CAPZB: variants seen among roughly 807,000 people sequenced by gnomAD.
The protein encoded by CAPZB is capping actin protein of muscle Z-line subunit beta, also known as F-actin-capping protein subunit beta.
Under a neutral mutation model 38.1 loss-of-function variants are expected in CAPZB, and 2 were observed. The observed-to-expected ratio is 0.05, with a 90% CI of 0.02 to 0.17. CAPZB has a LOEUF of 0.17. Ranked by LOEUF, CAPZB falls within the 10% of genes least tolerant of loss-of-function variation. The pLI is 1.00. For synonymous variants in CAPZB, 107 were observed against 127.4 expected (o/e 0.84, Z 1.08); for missense variants, 161 against 334.2 (o/e 0.48, Z 4.04).
chr1:19,370,300 A>C (rs1384485917), intron 4 of CAPZB, among the ~76,000 whole-genome samples: 1 of 152,154 alleles, frequency 6.6e-6, no homozygotes, highest in Non-Finnish European at 1.5e-5. Flanking sequence ...GAGGCTCCAT[A>C]ATTCGCTACA....
At chr1:19,379,287 C>T (rs147234528) in intron 3 of CAPZB, among the ~76,000 whole-genome samples, 9 of 152,070 alleles carry the variant, frequency 5.9e-5, no homozygotes, top group South Asian at 2.1e-4. Context: ...TTAGTAGAGG[C>T]GGAGTTTGGC....
intron 1 of CAPZB, among the ~76,000 whole-genome samples, chr1:19,439,533 C>T (rs2094468968): frequency 6.6e-6 from 1 of 152,252 alleles, no homozygotes; most frequent in Non-Finnish European, 1.5e-5. Context: ...TGTCCCCAGT[C>T]AGCCTGTGTC....
chr1:19,392,619 CT>C (rs1380422210), intron 2 of CAPZB, among the ~76,000 whole-genome samples: 2 of 151,298 alleles, frequency 1.3e-5, no homozygotes, highest in Non-Finnish European at 2.9e-5. Context: ...GACTCCGTCC[CT>C]ACTAAAATAA....
At chr1:19,446,093 T>C (rs556765319) in intron 1 of CAPZB, among the ~76,000 whole-genome samples, 118 of 152,180 alleles carry the variant, frequency 7.8e-4, no homozygotes, top group South Asian at 2.9e-3. Context: ...CGAGGTCAGT[T>C]CCAGTCTACA....
At chr1:19,458,270 A>T (rs950180912) in intron 1 of CAPZB, among the ~76,000 whole-genome samples, 1 of 152,202 alleles carries the variant, frequency 6.6e-6, no homozygotes, top group East Asian at 1.9e-4. Context: ...TATTTTTTGA[A>T]AGTTTTAATA....
chr1:19,342,871 A>T, intron 8 of CAPZB: 1 of 1,524,624 alleles, frequency 6.6e-7, no homozygotes, highest in Non-Finnish European at 9.1e-7. Context: ...AGATCTACAG[A>T]GAGTGTTCAA....
chr1:19,485,363 G>C (rs1379954306), intron 1 of CAPZB, 73 bp downstream of exon 1: 1 of 1,078,516 alleles, frequency 9.3e-7, no homozygotes, highest in Non-Finnish European at 1.2e-6. Flanking sequence ...CCCAGGCCAG[G>C]GATGGGCAGG....
At chr1:19,467,346 C>G (rs933750964) in intron 1 of CAPZB, among the ~76,000 whole-genome samples, 1 of 152,054 alleles carries the variant, frequency 6.6e-6, no homozygotes, top group African/African-American at 2.4e-5. Context: ...AAAGATAAAG[C>G]AAACAGAAGG....
At chr1:19,389,141 A>G (rs1165815361) in intron 2 of CAPZB, among the ~76,000 whole-genome samples, 2 of 152,190 alleles carry the variant, frequency 1.3e-5, no homozygotes, top group Non-Finnish European at 2.9e-5. Context: ...GTGTGCCCAC[A>G]GACTTGGACC....
At chr1:19,395,873 C>T (rs1024072538) in intron 2 of CAPZB, among the ~76,000 whole-genome samples, 2 of 152,242 alleles carry the variant, frequency 1.3e-5, no homozygotes, top group Non-Finnish European at 2.9e-5. Context: ...TGCCTGCAGC[C>T]GGCCAGCCAG....
At chr1:19,484,470 A>G (rs2100833580) in intron 1 of CAPZB, 1 of 1,448,578 alleles carries the variant, frequency 6.9e-7, no homozygotes, top group Non-Finnish European at 9.1e-7. Context: ...CCACGGCGGC[A>G]GCCTCGAGAA....
chr1:19,384,238 C>T (rs916792008), intron 3 of CAPZB, among the ~76,000 whole-genome samples: 5 of 152,134 alleles, frequency 3.3e-5, no homozygotes, highest in East Asian at 1.9e-4. Flanking sequence ...CCCTCATCTC[C>T]GCCCCCACTG....
At chr1:19,396,959 T>TAAA (rs982940283) in intron 2 of CAPZB, among the ~76,000 whole-genome samples, 4 of 145,494 alleles carry the variant, frequency 2.7e-5, no homozygotes, top group African/African-American at 1.0e-4. Flanking sequence ...CTCAAAAAAT[T>TAAA]AAAAAAAAAA....
chr1:19,380,019 A>T (rs1570047594), intron 3 of CAPZB, among the ~76,000 whole-genome samples: 1 of 152,320 alleles, frequency 6.6e-6, no homozygotes, highest in Non-Finnish European at 1.5e-5. Context: ...AAAAAAAAGT[A>T]TGCTCATCAT....
chr1:19,477,895 T>C (rs2094612373), intron 1 of CAPZB, among the ~76,000 whole-genome samples: 1 of 152,206 alleles, frequency 6.6e-6, no homozygotes, highest in Non-Finnish European at 1.5e-5. Context: ...TAACTTTCTA[T>C]TTTAAGTTAA....
chr1:19,368,694 GTC>G (rs1176939002), intron 4 of CAPZB, among the ~76,000 whole-genome samples: 1 of 148,802 alleles, frequency 6.7e-6, no homozygotes, highest in Non-Finnish European at 1.5e-5. Flanking sequence ...TAGACATGGG[GTC>G]TCTCTCTGTC....
chr1:19,386,349 C>G (rs769585280), intron 2 of CAPZB, among the ~76,000 whole-genome samples: 1 of 152,248 alleles, frequency 6.6e-6, no homozygotes, highest in Non-Finnish European at 1.5e-5. Flanking sequence ...CCAACTCAAA[C>G]ATCAATTTCT....
rs60330360 is a variant in CAPZB, at chr1:19,469,741, T to TACACACACACACAC, written c.3+15681_3+15694dup. Among the ~76,000 whole-genome samples, 197 of 136,710 alleles carry TACACACACACACAC rather than the reference T, an allele frequency of 1.4e-3. 3 individuals are homozygous for TACACACACACACAC. The highest frequency in any genetic ancestry group is 3.8e-3 in the Middle Eastern group (1 of 260). 89.7% of individuals were successfully genotyped at this position (136,710 alleles called of 152,430 possible). ...AAGATACTCAAAAGGAGGAAAAGAA[T>TACACACACACACAC]ACACACACACACACACACACACACA... On this transcript the variant is annotated intron_variant, in intron 1 of 8. Transcript: ENST00000264202.
At position 19,392,528 on chromosome 1, in the gene CAPZB, T is replaced by TAAA. The variant is rs58626568; in HGVS notation, c.94-6905_94-6903dup. ...CTGGCACACTGCTTTTCTTAAGAATTAAAAAAAAAAAAAAAAAAAGGCCAG... is the reference window on the plus strand; with the variant it reads ...CTGGCACACTGCTTTTCTTAAGAATTAAAAAAAAAAAAAAAAAAAAAAGGCCAG... On this transcript the variant is annotated intron_variant, in intron 2 of 8. Transcript: ENST00000264202. Among the ~76,000 whole-genome samples the TAAA allele has an allele frequency of 1.5e-4, 19 of 129,430 alleles. No homozygotes were observed. The East Asian group carries it at 1.9e-3, about 13-fold the overall frequency. The allele number at this position is 129,430 out of a possible 152,430, so 84.9% of individuals were successfully genotyped here.
Sources: allele counts gnomAD v4.1 joint callset (sites outside exome capture counted in the v4.1 genomes callset), GRCh38; gene constraint gnomAD v4.1.1; transcripts MANE v1.5; gene names NCBI Gene and HGNC (gene_info 2026-07-23, HGNC 2026-07-21).